The following XKR9 variants were observed in gnomAD, a reference collection of about 807,000 sequenced individuals.
The protein encoded by XKR9 is XK-related protein 9.
XKR9 carries 32 observed loss-of-function variants against 32.0 expected under a neutral mutation model. That is an observed-to-expected ratio of 1.00 (90% confidence interval 0.76 to 1.34). XKR9 has a LOEUF of 1.34. Among genes scored for constraint, XKR9 ranks in the 40% most tolerant of loss-of-function variants. XKR9 has a pLI of 0.00. For missense variants in XKR9, 546 were observed against 429.7 expected (o/e 1.27, Z -2.39); for synonymous variants, 168 against 143.4 (o/e 1.17, Z -1.22).
At chr8:70,704,503 A>C (rs1805651841) in intron 3 of XKR9, among the ~76,000 whole-genome samples, 1 of 152,168 alleles carries the variant, frequency 6.6e-6, no homozygotes, top group African/African-American at 2.4e-5. Context: ...CCAATGAGGG[A>C]GGTATGATGA....
chr8:70,819,623 A>G, the XKR9 span, among the ~76,000 whole-genome samples: 1 of 152,220 alleles, frequency 6.6e-6, no homozygotes, highest in African/African-American at 2.4e-5. Context: ...TAGAAATAAC[A>G]GCTGTTTTAA....
the XKR9 span, among the ~76,000 whole-genome samples, chr8:70,803,403 A>G: frequency 6.6e-6 from 1 of 152,126 alleles, no homozygotes; most frequent in Non-Finnish European, 1.5e-5. Flanking sequence ...AGTGTTGATG[A>G]CCTTCATTCC....
At chr8:70,868,400 A>T in the XKR9 span, among the ~76,000 whole-genome samples, 1 of 152,090 alleles carries the variant, frequency 6.6e-6, no homozygotes, top group South Asian at 2.1e-4. Flanking sequence ...ATCTAGGCAG[A>T]GGTTCCCAAA....
At chr8:70,782,380 C>T (rs1807628776) in intron 2 of XKR9, among the ~76,000 whole-genome samples, 1 of 152,058 alleles carries the variant, frequency 6.6e-6, no homozygotes, top group Non-Finnish European at 1.5e-5. Context: ...ACATATCCAT[C>T]ACTTCAAATA....
the XKR9 span, among the ~76,000 whole-genome samples, chr8:70,931,652 A>T: frequency 2.6e-5 from 4 of 152,228 alleles, no homozygotes; most frequent in Non-Finnish European, 5.9e-5. Flanking sequence ...CTGTACAGGA[A>T]GCATGGCACT....
intron 3 of XKR9, among the ~76,000 whole-genome samples, chr8:70,703,780 TTTTTGTTTCA>T (rs1197735079): frequency 6.6e-6 from 1 of 152,212 alleles, no homozygotes; most frequent in Non-Finnish European, 1.5e-5. Flanking sequence ...AGCTGGTGGC[TTTTTGTTTCA>T]AATAAAAGAA....
chr8:70,769,349 T>A (rs1358287782), intron 2 of XKR9, among the ~76,000 whole-genome samples: 1 of 152,112 alleles, frequency 6.6e-6, no homozygotes, highest in Non-Finnish European at 1.5e-5. Flanking sequence ...ATCTGACCTT[T>A]CTCTCTGGCT....
At chr8:71,005,252 C>T in the XKR9 span, among the ~76,000 whole-genome samples, 73 of 118,502 alleles carry the variant, frequency 6.2e-4, no homozygotes, top group Admixed American at 1.2e-3. Flanking sequence ...GACTGAGTTT[C>T]GCTCTTCGTG....
intron 3 of XKR9, among the ~76,000 whole-genome samples, chr8:70,687,536 A>G (rs1250315198): frequency 6.6e-6 from 1 of 151,692 alleles, no homozygotes; most frequent in Non-Finnish European, 1.5e-5. Flanking sequence ...GGTCTGGCTA[A>G]TTTTTTATTT....
chr8:70,854,659 T>C, the XKR9 span, among the ~76,000 whole-genome samples: 1 of 152,242 alleles, frequency 6.6e-6, no homozygotes, highest in Non-Finnish European at 1.5e-5. Context: ...GTTTTAGGTC[T>C]AACATTTAAG....
chr8:70,811,441 A>G, the XKR9 span, among the ~76,000 whole-genome samples: 3 of 152,240 alleles, frequency 2.0e-5, no homozygotes, highest in Non-Finnish European at 2.9e-5. Flanking sequence ...CACTAAAATC[A>G]GAGCAGAACT....
At chr8:70,914,070 T>C in the XKR9 span, among the ~76,000 whole-genome samples, 4 of 152,172 alleles carry the variant, frequency 2.6e-5, no homozygotes, top group Admixed American at 6.6e-5. Context: ...TATTTATACA[T>C]TTTTTGTTTT....
chr8:70,802,508 G>A, the XKR9 span, among the ~76,000 whole-genome samples: 3 of 152,200 alleles, frequency 2.0e-5, no homozygotes, highest in Non-Finnish European at 2.9e-5. Flanking sequence ...GTGTGGGTTT[G>A]AACCTGTCAT....
chr8:71,015,767 C>T, the XKR9 span, among the ~76,000 whole-genome samples: 1 of 134,680 alleles, frequency 7.4e-6, no homozygotes, highest in African/African-American at 2.7e-5. Context: ...AATGGTGCCT[C>T]ATTAGCTGTT....
the XKR9 span, among the ~76,000 whole-genome samples, chr8:71,042,093 A>ACTGCC: frequency 6.6e-6 from 1 of 152,156 alleles, no homozygotes; most frequent in Non-Finnish European, 1.5e-5. Context: ...AGAGAGAGTG[A>ACTGCC]CTGCCATATG....
chr8:70,928,577 A>G, the XKR9 span, among the ~76,000 whole-genome samples: 1 of 152,114 alleles, frequency 6.6e-6, no homozygotes, highest in Non-Finnish European at 1.5e-5. Context: ...GGCCTAGCCC[A>G]TATACTTTAG....
At chr8:70,743,747 T>C (rs1387898142) in intron 2 of XKR9, among the ~76,000 whole-genome samples, 10 of 152,186 alleles carry the variant, frequency 6.6e-5, no homozygotes, top group Admixed American at 6.5e-4. Context: ...GCAGTTGTGA[T>C]CACCACATAC....
At chr8:70,954,111 C>A in the XKR9 span, among the ~76,000 whole-genome samples, 2 of 151,880 alleles carry the variant, frequency 1.3e-5, no homozygotes, top group African/African-American at 4.8e-5. Flanking sequence ...AGTCACAGAC[C>A]TTTCCATACT....
chr8:70,878,374 A>G, the XKR9 span, among the ~76,000 whole-genome samples: 1 of 152,158 alleles, frequency 6.6e-6, no homozygotes, highest in Non-Finnish European at 1.5e-5. Flanking sequence ...TTGGATAAAG[A>G]GTCAAGCCCC....
Sources: gnomAD v4.1 joint callset for allele counts (sites outside exome capture counted in the v4.1 genomes callset) on GRCh38, gnomAD v4.1.1 for gene constraint, MANE v1.5 for transcripts, NCBI Gene and HGNC (gene_info 2026-07-23, HGNC 2026-07-21) for gene names.